The following INPP4B variants were observed in gnomAD, a reference collection of about 807,000 sequenced individuals.
INPP4B encodes inositol polyphosphate 4-phosphatase type II.
A neutral mutation model predicts 122.5 loss-of-function variants in INPP4B; 55 were observed. That is an observed-to-expected ratio of 0.45 (90% CI 0.36 to 0.56). The LOEUF (loss-of-function observed/expected upper bound fraction) is 0.56. INPP4B is among the 20% of genes least tolerant of loss of function. INPP4B has a pLI of 0.00. For synonymous variants in INPP4B, 403 were observed against 388.7 expected, an observed-to-expected ratio of 1.04 and a Z score of -0.43; for missense variants, 1,000 against 1,097.7, an observed-to-expected ratio of 0.91 and a Z score of 1.26.
intron 1 of INPP4B, among the ~76,000 whole-genome samples, chr4:142,814,072 T>C (rs567412387): frequency 6.6e-6 from 1 of 152,280 alleles, no homozygotes; most frequent in African/African-American, 2.4e-5. Flanking sequence ...GGATTCTTAC[T>C]TGGAAGTAGC....
chr4:142,594,894 G>T (rs942035764), intron 2 of INPP4B, among the ~76,000 whole-genome samples: 1 of 148,142 alleles, frequency 6.8e-6, no homozygotes, highest in Non-Finnish European at 1.5e-5. Flanking sequence ...GGAGGAGGTT[G>T]CTGTGAGCCA....
intron 9 of INPP4B, chr4:142,287,707 G>A (rs953498388): frequency 2.0e-5 from 3 of 152,070 alleles, no homozygotes; most frequent in African/African-American, 2.4e-5. Flanking sequence ...AATTATTAGC[G>A]ATAACAACAA....
intron 2 of INPP4B, among the ~76,000 whole-genome samples, chr4:142,712,513 T>C (rs1187073823): frequency 6.6e-6 from 1 of 152,236 alleles, no homozygotes; most frequent in Non-Finnish European, 1.5e-5. Context: ...TCATTTCTAT[T>C]GTCCTAAAAT....
intron 7 of INPP4B, among the ~76,000 whole-genome samples, chr4:142,325,387 C>T (rs1182677299): frequency 6.6e-6 from 1 of 152,170 alleles, no homozygotes; most frequent in Non-Finnish European, 1.5e-5. Flanking sequence ...GTTACAAATG[C>T]ATAATGACAG....
At chr4:142,589,285 AATG>A (rs1736920857) in intron 2 of INPP4B, among the ~76,000 whole-genome samples, 1 of 152,078 alleles carries the variant, frequency 6.6e-6, no homozygotes, top group African/African-American at 2.4e-5. Context: ...GTGAAATAAA[AATG>A]TGATAAATTG....
At chr4:142,819,255 A>G (rs959282118) in intron 1 of INPP4B, among the ~76,000 whole-genome samples, 6 of 152,154 alleles carry the variant, frequency 3.9e-5, no homozygotes, top group African/African-American at 1.4e-4. Flanking sequence ...CAAAAGCCCT[A>G]AAGGGCTACA....
intron 15 of INPP4B, among the ~76,000 whole-genome samples, chr4:142,179,571 A>AAAAAAG (rs1829899462): frequency 2.3e-4 from 1 of 4,278 alleles, no homozygotes; most frequent in Admixed American, 2.1e-3. Context: ...TGAAAAAAAA[A>AAAAAAG]ACATTCATTT....
intron 9 of INPP4B, among the ~76,000 whole-genome samples, chr4:142,277,013 C>G (rs1748788518): frequency 6.6e-6 from 1 of 151,712 alleles, no homozygotes; most frequent in Non-Finnish European, 1.5e-5. Flanking sequence ...TTAAAATTAA[C>G]AGGCCATTCT....
At chr4:142,833,257 A>G (rs960015699) in intron 1 of INPP4B, among the ~76,000 whole-genome samples, 1 of 152,102 alleles carries the variant, frequency 6.6e-6, no homozygotes, top group African/African-American at 2.4e-5. Flanking sequence ...TGGGTGCTAC[A>G]CATAATGCAG....
chr4:142,198,415 C>T (rs917468942), intron 14 of INPP4B, among the ~76,000 whole-genome samples: 17 of 151,876 alleles, frequency 1.1e-4, no homozygotes, highest in Middle Eastern at 3.2e-3. Context: ...TCTTTCTCAT[C>T]CTGGTATCAT....
At chr4:142,684,205 G>A (rs1319178705) in intron 2 of INPP4B, among the ~76,000 whole-genome samples, 1 of 152,004 alleles carries the variant, frequency 6.6e-6, no homozygotes, top group Admixed American at 6.6e-5. Context: ...AGCCAACAAG[G>A]TTGCCCAGTA....
intron 2 of INPP4B, chr4:142,518,659 C>T (rs1825710933): frequency 1.3e-5 from 2 of 152,130 alleles, no homozygotes; most frequent in African/African-American, 2.4e-5. Context: ...GTTTATAAAA[C>T]TCACTGTTGC....
intron 2 of INPP4B, among the ~76,000 whole-genome samples, chr4:142,678,306 C>T (rs1014541891): frequency 7.9e-5 from 12 of 151,802 alleles, no homozygotes; most frequent in African/African-American, 2.9e-4. Flanking sequence ...AAAACAAATC[C>T]TATTTTGCTA....
intron 11 of INPP4B, among the ~76,000 whole-genome samples, chr4:142,243,598 G>A (rs1282841837): frequency 1.3e-5 from 2 of 152,048 alleles, no homozygotes; most frequent in African/African-American, 4.8e-5. Flanking sequence ...ATCACACGGA[G>A]AAAATATATT....
intron 7 of INPP4B, among the ~76,000 whole-genome samples, chr4:142,368,513 T>C (rs1393537607): frequency 6.6e-6 from 1 of 152,122 alleles, no homozygotes; most frequent in Non-Finnish European, 1.5e-5. Context: ...TGTGCATATC[T>C]CTTTCATAAA....
intron 2 of INPP4B, among the ~76,000 whole-genome samples, chr4:142,501,195 C>G (rs1823328590): frequency 6.6e-6 from 1 of 152,202 alleles, no homozygotes; most frequent in African/African-American, 2.4e-5. Context: ...CATCAGGTGA[C>G]TGCCAGTTGT....
intron 2 of INPP4B, among the ~76,000 whole-genome samples, chr4:142,674,469 T>C (rs1041903656): frequency 2.0e-5 from 3 of 151,946 alleles, no homozygotes; most frequent in East Asian, 1.9e-4. Context: ...TAAAAATATA[T>C]GCCATTTATT....
At chr4:142,589,475 C>A (rs1000712868) in intron 2 of INPP4B, among the ~76,000 whole-genome samples, 1 of 151,904 alleles carries the variant, frequency 6.6e-6, no homozygotes, top group Non-Finnish European at 1.5e-5. Flanking sequence ...AAGATCTGCA[C>A]AGATAGCTCA....
rs144139064 is a variant in INPP4B, at chr4:142,135,201, C to T, written c.1721-10441G>A. Among the ~76,000 whole-genome samples the T allele has an allele frequency of 4.7e-3, 718 of 152,206 alleles. 4 individuals carry two copies. Among genetic ancestry groups the T allele is most frequent in the African/African-American group, 0.016 (663 of 41,528 alleles). Reference sequence around the variant, plus strand: ...AATATTGGGCCTCTATTATTTGCTACGAATTATGTTAGGTTCTGGAGATTC... The same window carrying T: ...AATATTGGGCCTCTATTATTTGCTATGAATTATGTTAGGTTCTGGAGATTC... On this transcript the variant is annotated intron_variant, in intron 18 of 25. Transcript: ENST00000262992.
Sources: gnomAD v4.1 joint callset for allele counts (sites outside exome capture counted in the v4.1 genomes callset) on GRCh38, gnomAD v4.1.1 for gene constraint, MANE v1.5 for transcripts, NCBI Gene and HGNC (gene_info 2026-07-23, HGNC 2026-07-21) for gene names.